Variants in NLRC5 observed in about 807,000 individuals in gnomAD.
NLRC5 encodes protein NLRC5.
Under a neutral mutation model 206.9 loss-of-function variants are expected in NLRC5, and 114 were observed. The ratio of observed to expected loss-of-function variants is 0.55; its 90% CI spans 0.47 to 0.64. The LOEUF (loss-of-function observed/expected upper bound fraction) is 0.64. NLRC5 is among the 30% of genes least tolerant of loss of function. The pLI, the probability that NLRC5 is intolerant of heterozygous loss-of-function variation, is 0.00. For synonymous variants in NLRC5, 952 were observed against 962.8 expected, an observed-to-expected ratio of 0.99 and a Z score of 0.21; for missense variants, 2,008 against 2,305.5, an observed-to-expected ratio of 0.87 and a Z score of 2.64.
At chr16:56,993,964 TA>T (rs11392865) in intron 1 of NLRC5, among the ~76,000 whole-genome samples, 5,654 of 137,372 alleles carry the variant, frequency 0.041, 347 homozygotes, top group African/African-American at 0.14. Context: ...CTGTTTTTTG[TA>T]AAAAAAAAAA....
Position 57,029,846 on chromosome 16 carries a change from C to T in NLRC5, c.2317C>T (p.Arg773Trp), listed in dbSNP as rs1242204628. 6.2e-6 allele frequency: 10 copies of T among 1,613,952 alleles called. No homozygotes were observed. Among genetic ancestry groups the T allele is most frequent in the South Asian group, 1.1e-5 (1 of 91,082 alleles). Residue 773 changes from arginine to tryptophan, a missense_variant, in exon 9 of 49, where the codon CGG becomes TGG. By Grantham distance (101) the Arg-to-Trp change is moderately radical. Coordinates refer to ENST00000688547, the MANE Select transcript of NLRC5 (RefSeq NM_001384950.1). ...GGTTCTCCCTCACCTACCACGGCTCCGGAAGCTTGAGTAAGTGATCTTTCC... is the reference window on the plus strand; with the variant it reads ...GGTTCTCCCTCACCTACCACGGCTCTGGAAGCTTGAGTAAGTGATCTTTCC... Reference protein sequence around the residue: ...VEVLPHLPRLRKLDLSSNSIC... With the variant: ...VEVLPHLPRLWKLDLSSNSIC...
chr16:57,077,360 C>T lies in NLRC5; in HGVS notation c.4900C>T (p.Pro1634Ser). Residue 1634 changes from proline (P) to serine (S), a missense_variant, in exon 41 of 49, where the codon CCA (proline) becomes TCA (serine). Coordinates refer to ENST00000688547, the MANE Select transcript of NLRC5 (RefSeq NM_001384950.1). ...CTTAGCTACCATCCTGCCTGGGCTG[C>T]CAGAGCTCAGGAAGATAGAGTGAGT... Reference protein sequence around the residue: ...QHLATILPGLPELRKIDLSGN... With the variant: ...QHLATILPGLSELRKIDLSGN... 5 of 1,613,962 alleles carry T rather than the reference C, an allele frequency of 3.1e-6. 1 individual carries two copies. The South Asian group carries it at 5.5e-5, about 18-fold the overall frequency.
In NLRC5 at chr16:57,061,488, C is replaced by G; in HGVS notation, c.4027C>G (p.Leu1343Val). Residue 1343 changes from leucine to valine, a missense_variant, in exon 31 of 49, where the codon CTG becomes GTG. Coordinates refer to ENST00000688547, the MANE Select transcript of NLRC5 (RefSeq NM_001384950.1). ...CTTCCGGCCAGAGCACGTGTCCAGG[C>G]TGGCCACCGGCTTGAGCAAGTCCCT... The part of the protein sequence containing the change: ...CSFRPEHVSR[L>V]ATGLSKSLQL... 2 of 1,611,164 alleles carry G rather than the reference C, an allele frequency of 1.2e-6. No individual in the cohort carries two copies. Among genetic ancestry groups the G allele is most frequent in the Non-Finnish European group, 1.7e-6 (2 of 1,180,036 alleles).
chr16:57,076,667 A>G (rs749915509), intron 39 of NLRC5, 152 bp from the exon 40 acceptor site: 94 of 677,418 alleles, frequency 1.4e-4, no homozygotes, highest in Non-Finnish European at 2.1e-4. Flanking sequence ...CTTGCTCACC[A>G]CTCCCCACCT....
At chr16:57,063,398 G>A (rs1336348011) in intron 32 of NLRC5, among the ~76,000 whole-genome samples, 1 of 151,854 alleles carries the variant, frequency 6.6e-6, no homozygotes, top group South Asian at 2.1e-4. Context: ...TTACAGGCAT[G>A]AGCCACCACA....
At chr16:57,049,561 C>A (rs960136799) in intron 23 of NLRC5, among the ~76,000 whole-genome samples, 1 of 151,866 alleles carries the variant, frequency 6.6e-6, no homozygotes, top group Non-Finnish European at 1.5e-5. Flanking sequence ...CATAGTGAAA[C>A]CCCATCTCTA....
intron 13 of NLRC5, among the ~76,000 whole-genome samples, chr16:57,035,226 C>T (rs953748225): frequency 1.3e-5 from 2 of 152,134 alleles, no homozygotes; most frequent in Non-Finnish European, 2.9e-5. Flanking sequence ...AAACTATCCT[C>T]TTTTCCTCCA....
chr16:57,037,220 G>A lies in NLRC5; in HGVS notation c.2737G>A (p.Ala913Thr). 1.2e-6 allele frequency: 2 copies of A among 1,613,836 alleles called. No homozygotes were observed. Among genetic ancestry groups the A allele is most frequent in the Non-Finnish European group, 1.7e-6 (2 of 1,179,966 alleles). ...LDLSNNGLSV[A>T]GVHCVLRAVS... ...CCTCAGTAACAACGGGCTTTCTGTG[G>A]CCGGGGTGCATTGTGTGCTGAGGGC... The change falls in exon 15 of 49, where the codon GCC (alanine) becomes ACC (threonine). Residue 913 changes from alanine to threonine, a missense_variant. Coordinates refer to ENST00000688547, the MANE Select transcript of NLRC5 (RefSeq NM_001384950.1).
chr16:57,031,486 G>A (rs753378680), intron 11 of NLRC5, 23 bp downstream of exon 11: 2 of 1,613,020 alleles, frequency 1.2e-6, no homozygotes, highest in South Asian at 2.2e-5. Context: ...GAGGCGGTGG[G>A]CCTGGGGCCA....
At chr16:57,034,369 TG>T in intron 13 of NLRC5, 118 bp downstream of exon 13, 1 of 728,154 alleles carries the variant, frequency 1.4e-6, no homozygotes, top group Non-Finnish European at 2.3e-6. Flanking sequence ...ATGAAGAATT[TG>T]GGGGAATCAG....
intron 1 of NLRC5, chr16:57,013,448 G>A (rs1369962969): frequency 8.9e-6 from 6 of 673,096 alleles, no homozygotes; most frequent in African/African-American, 3.6e-5. Flanking sequence ...TTCTGATGAA[G>A]GAAATAAAAG....
intron 1 of NLRC5, among the ~76,000 whole-genome samples, chr16:57,016,077 T>C (rs1271187605): frequency 1.3e-5 from 2 of 151,862 alleles, no homozygotes; most frequent in Non-Finnish European, 2.9e-5. Context: ...TAGCCAGACG[T>C]GGTGGCACAT....
At chr16:57,027,961 A>G (rs888162816) in intron 6 of NLRC5, 111 bp from the exon 7 acceptor site, 13 of 609,166 alleles carry the variant, frequency 2.1e-5, no homozygotes, top group African/African-American at 2.0e-4. Context: ...CGGCCATAAT[A>G]TGTATTTGTT....
At chr16:57,081,724 G>A (rs985693863) in intron 48 of NLRC5, 114 bp downstream of exon 48, 1 of 840,202 alleles carries the variant, frequency 1.2e-6, no homozygotes, top group African/African-American at 1.7e-5. Context: ...TATCAAAGGA[G>A]ACTTGGACCA....
chr16:57,039,725 A>T (rs2063046844), intron 15 of NLRC5, 56 bp from the exon 16 acceptor site: 31 of 1,504,294 alleles, frequency 2.1e-5, no homozygotes, highest in Non-Finnish European at 2.9e-5. Context: ...TCAAAAAGAA[A>T]TAGTAACAGG....
At chr16:57,034,078 C>A in intron 12 of NLRC5, 90 bp from the exon 13 acceptor site, 2 of 1,045,768 alleles carry the variant, frequency 1.9e-6, no homozygotes, top group Admixed American at 2.0e-5. Context: ...GGTCTGTGGG[C>A]CCCCTGACTC....
intron 1 of NLRC5, among the ~76,000 whole-genome samples, chr16:56,999,780 T>C (rs1469514543): frequency 2.0e-5 from 3 of 152,212 alleles, no homozygotes; most frequent in African/African-American, 7.2e-5. Flanking sequence ...CCCAGGGCCT[T>C]TGGGGCTCTC....
chr16:57,026,239 G>C lies in NLRC5; in HGVS notation c.1296G>C (p.Leu432=). The change falls in exon 6 of 49, where the codon CTG becomes CTC. Residue 432 remains leucine (L), a synonymous_variant. Coordinates refer to ENST00000688547, the MANE Select transcript of NLRC5 (RefSeq NM_001384950.1). ...CCCCAGGCCAGTCTGTGGCCCTCCTGCCCAACATGACTCAGCTCTATATGC... is the reference window on the plus strand; with the variant it reads ...CCCCAGGCCAGTCTGTGGCCCTCCTCCCCAACATGACTCAGCTCTATATGC... ...DHAPGQSVAL[L]PNMTQLYMQM... The C allele has an allele frequency of 6.2e-7, 1 of 1,613,764 alleles. No homozygotes were observed. The highest frequency in any genetic ancestry group is 8.5e-7 in the Non-Finnish European group (1 of 1,180,032).
At chr16:57,010,143 C>T (rs1330673421) in intron 1 of NLRC5, among the ~76,000 whole-genome samples, 1 of 152,176 alleles carries the variant, frequency 6.6e-6, no homozygotes, top group African/African-American at 2.4e-5. Context: ...AGATCAGGAG[C>T]TCAGTTTCGG....
Sources: gnomAD v4.1 joint callset for allele counts (sites outside exome capture counted in the v4.1 genomes callset) on GRCh38, gnomAD v4.1.1 for gene constraint, MANE v1.5 for transcripts, NCBI Gene and HGNC (gene_info 2026-07-23, HGNC 2026-07-21) for gene names.